The following PPM1L variants were observed in gnomAD, a reference collection of about 807,000 sequenced individuals.
The protein encoded by PPM1L is protein phosphatase, Mg2+/Mn2+ dependent 1L, also known as protein phosphatase 1L.
Under a neutral mutation model 31.4 loss-of-function variants are expected in PPM1L, and 13 were observed. The observed-to-expected ratio is 0.41, with a 90% CI of 0.27 to 0.66. The LOEUF is 0.66. PPM1L is among the 30% of genes least tolerant of loss of function. PPM1L has a pLI of 0.29. For synonymous variants in PPM1L, 184 were observed against 175.4 expected (o/e 1.05, Z -0.39); for missense variants, 326 against 453.7 (o/e 0.72, Z 2.56).
At chr3:161,030,702 TG>T (rs144907943) in intron 2 of PPM1L, among the ~76,000 whole-genome samples, 1,936 of 152,274 alleles carry the variant, frequency 0.013, 41 homozygotes, top group African/African-American at 0.045. Context: ...CTTCCAAATA[TG>T]TTTTTCAAAG....
chr3:161,007,789 A>G (rs977539460), intron 2 of PPM1L, among the ~76,000 whole-genome samples: 1 of 152,124 alleles, frequency 6.6e-6, no homozygotes, highest in Non-Finnish European at 1.5e-5. Flanking sequence ...TGTGAGCAAG[A>G]TGAGAGCCAT....
chr3:161,078,766 C>T lies in PPM1L; in HGVS notation c.*9609C>T, dbSNP rs755942869. On this transcript the variant is annotated 3_prime_UTR_variant, in exon 4 of 4. Transcript: ENST00000498165. ...CATTTGGGTCGCTTTGATGGGTGCTCGGGTAGAATTAGCCTTGTAGAGACT... is the reference window on the plus strand; with the variant it reads ...CATTTGGGTCGCTTTGATGGGTGCTTGGGTAGAATTAGCCTTGTAGAGACT... 4 of 152,104 alleles carry T rather than the reference C, an allele frequency of 2.6e-5. No homozygotes were observed. Among genetic ancestry groups the T allele is most frequent in the Non-Finnish European group, 4.4e-5 (3 of 68,054 alleles). 9.4% of individuals were successfully genotyped at this position (152,104 alleles called of 1,614,324 possible). A position where few individuals can be genotyped will look rare whatever the true frequency, so the allele number is the denominator to read the frequency against.
At chr3:160,850,694 C>T (rs1368027981) in intron 1 of PPM1L, among the ~76,000 whole-genome samples, 1 of 152,114 alleles carries the variant, frequency 6.6e-6, no homozygotes, top group Non-Finnish European at 1.5e-5. Context: ...CACATGGATA[C>T]TGGGCAGAGA....
Position 160,857,485 on chromosome 3 carries a change from G to A in PPM1L, c.399+100778G>A, listed in dbSNP as rs571610743. Among the ~76,000 whole-genome samples, 4 of 152,268 alleles carry A rather than the reference G, an allele frequency of 2.6e-5. No homozygotes were observed. The South Asian group carries it at 8.3e-4, about 32-fold the overall frequency. ...TAAGGTGGCTGCCTTAAAATGTAAT[G>A]CAAAAACAGTCCTTTTTAGTCTTTT... is the stretch of plus-strand genomic sequence containing the variant. On this transcript the variant is annotated intron_variant, in intron 1 of 3. Transcript: ENST00000498165.
chr3:160,994,527 A>G (rs968841772), intron 2 of PPM1L, among the ~76,000 whole-genome samples: 1 of 152,154 alleles, frequency 6.6e-6, no homozygotes, highest in African/African-American at 2.4e-5. Flanking sequence ...CCTCATAGAA[A>G]TCTCCAGGTT....
In PPM1L at chr3:161,058,389, T is replaced by A. The variant is rs769828046; in HGVS notation, c.575-7014T>A. Among the ~76,000 whole-genome samples the A allele has an allele frequency of 1.8e-4, 28 of 152,072 alleles. 1 individual carries two copies. Among genetic ancestry groups the A allele is most frequent in the Admixed American group, 4.6e-4 (7 of 15,272 alleles). Reference sequence around the variant, plus strand: ...ATCTGCCTGCCTCAGCCTCCGAAAGTGCTGGGATTACAGGCATGAGCCACC... The same window carrying A: ...ATCTGCCTGCCTCAGCCTCCGAAAGAGCTGGGATTACAGGCATGAGCCACC... On this transcript the variant is annotated intron_variant, in intron 2 of 3. Transcript: ENST00000498165.
rs1713062497 is a variant in PPM1L, at chr3:160,818,561, GAT to G, written c.399+61856_399+61857del. ...TAGGGTTTAAAACTTTGGAAAGTAA[GAT>G]AGCTCACAGAAAAAAGTAGCAGTTG... On this transcript the variant is annotated intron_variant, in intron 1 of 3. Coordinates refer to ENST00000498165, the MANE Select transcript of PPM1L (RefSeq NM_139245.4). 1.3e-5 allele frequency among the ~76,000 whole-genome samples: 2 copies of G among 151,946 alleles called. 1 individual carries two copies. The highest frequency in any genetic ancestry group is 1.3e-4 in the Admixed American group (2 of 15,228).
At chr3:160,882,502 G>A (rs1712758298) in intron 1 of PPM1L, among the ~76,000 whole-genome samples, 1 of 152,152 alleles carries the variant, frequency 6.6e-6, no homozygotes. Context: ...ATCATGTTAT[G>A]TAAAATCAAA....
At chr3:160,819,683 C>T (rs959990976) in intron 1 of PPM1L, among the ~76,000 whole-genome samples, 9 of 151,928 alleles carry the variant, frequency 5.9e-5, no homozygotes, top group African/African-American at 1.4e-4. Flanking sequence ...AATAAGTTTT[C>T]ACTGTGTAAC....
intron 2 of PPM1L, among the ~76,000 whole-genome samples, chr3:161,008,628 G>C (rs562590402): frequency 6.6e-6 from 1 of 152,176 alleles, no homozygotes; most frequent in Non-Finnish European, 1.5e-5. Context: ...TCAGATTCTA[G>C]GTACATTGTG....
At chr3:160,975,449 T>C (rs982448295) in intron 2 of PPM1L, among the ~76,000 whole-genome samples, 3 of 152,236 alleles carry the variant, frequency 2.0e-5, no homozygotes, top group African/African-American at 7.2e-5. Context: ...ATTGAATCTG[T>C]AAATTGCCTT....
chr3:160,870,210 C>T (rs1041102988), intron 1 of PPM1L, among the ~76,000 whole-genome samples: 2 of 152,120 alleles, frequency 1.3e-5, no homozygotes, highest in African/African-American at 4.8e-5. Flanking sequence ...GCTCATAGGA[C>T]AGAGTGCTAT....
intron 1 of PPM1L, among the ~76,000 whole-genome samples, chr3:160,890,277 T>C (rs1713090292): frequency 2.0e-5 from 3 of 152,196 alleles, no homozygotes; most frequent in African/African-American, 7.2e-5. Flanking sequence ...CTTTAGCTTA[T>C]ACGCAACTTC....
intron 1 of PPM1L, chr3:160,842,155 C>A: frequency 1.5e-6 from 1 of 663,054 alleles, no homozygotes; most frequent in East Asian, 2.7e-5. Flanking sequence ...GTGCGTGCAT[C>A]CTGAAATAGT....
chr3:160,924,560 C>T (rs1272455735), intron 1 of PPM1L, among the ~76,000 whole-genome samples: 3 of 152,142 alleles, frequency 2.0e-5, no homozygotes, highest in African/African-American at 7.2e-5. Context: ...CCATTGTTCT[C>T]CAGGACAATA....
intron 1 of PPM1L, among the ~76,000 whole-genome samples, chr3:160,884,061 C>T (rs985365384): frequency 1.3e-5 from 2 of 151,834 alleles, no homozygotes; most frequent in East Asian, 3.9e-4. Context: ...CAGAGTGAGA[C>T]CCTGTCTCAA....
chr3:161,067,537 C>T (rs1187375348), intron 3 of PPM1L, among the ~76,000 whole-genome samples: 2 of 152,220 alleles, frequency 1.3e-5, no homozygotes, highest in Non-Finnish European at 2.9e-5. Context: ...CATTAGCTGT[C>T]ATTTATTGTG....
chr3:160,883,763 A>G (rs1431312776), intron 1 of PPM1L, among the ~76,000 whole-genome samples: 1 of 151,446 alleles, frequency 6.6e-6, no homozygotes, highest in African/African-American at 2.4e-5. Flanking sequence ...AATTCCCAGC[A>G]CTGCCACTGA....
chr3:160,812,958 A>C (rs1712854731), intron 1 of PPM1L, among the ~76,000 whole-genome samples: 1 of 152,228 alleles, frequency 6.6e-6, no homozygotes, highest in South Asian at 2.1e-4. Flanking sequence ...TTGTCCTTCC[A>C]GAACAGAATT....
Sources: gnomAD v4.1 joint callset for allele counts (sites outside exome capture counted in the v4.1 genomes callset) on GRCh38, gnomAD v4.1.1 for gene constraint, MANE v1.5 for transcripts, NCBI Gene and HGNC (gene_info 2026-07-23, HGNC 2026-07-21) for gene names.